Variants in LRRTM4 observed in about 807,000 individuals in gnomAD.
LRRTM4 encodes the protein leucine rich repeat transmembrane neuronal 4.
LRRTM4 carries 25 observed loss-of-function variants against 47.6 expected under a neutral mutation model. That is an observed-to-expected ratio of 0.53 (90% CI 0.38 to 0.73). The LOEUF (loss-of-function observed/expected upper bound fraction) is 0.73. LRRTM4 is among the 30% of genes least tolerant of loss of function. The probability of loss-of-function intolerance (pLI) is 0.00; values close to 1 mark genes in which losing one functional copy is unlikely to be tolerated. For missense variants in LRRTM4, 638 were observed against 713.4 expected (o/e 0.89, Z 1.20); for synonymous variants, 311 against 269.5 (o/e 1.15, Z -1.51).
At chr2:77,396,478 G>T (rs1018379772) in intron 3 of LRRTM4, among the ~76,000 whole-genome samples, 1 of 151,864 alleles carries the variant, frequency 6.6e-6, no homozygotes, top group African/African-American at 2.4e-5. Flanking sequence ...GTGAGAACTT[G>T]TTAAATGTTG....
chr2:77,250,224 G>T (rs538290112), intron 3 of LRRTM4, among the ~76,000 whole-genome samples: 1 of 152,126 alleles, frequency 6.6e-6, no homozygotes, highest in South Asian at 2.1e-4. Context: ...AAACTATCAC[G>T]TCATAATAAA....
At chr2:77,472,308 T>A (rs538350813) in intron 3 of LRRTM4, among the ~76,000 whole-genome samples, 6 of 151,972 alleles carry the variant, frequency 3.9e-5, no homozygotes, top group Non-Finnish European at 8.8e-5. Flanking sequence ...AGTTAGTGAA[T>A]CAACAACATA....
At chr2:76,760,115 G>A (rs892883818) in intron 3 of LRRTM4, among the ~76,000 whole-genome samples, 4 of 152,122 alleles carry the variant, frequency 2.6e-5, no homozygotes. Context: ...TTTGGAAGAA[G>A]TTTACCTCTA....
intron 3 of LRRTM4, among the ~76,000 whole-genome samples, chr2:76,797,953 C>T (rs146563375): frequency 0.088 from 13,195 of 149,730 alleles, 960 homozygotes; most frequent in East Asian, 0.29. Flanking sequence ...CAGGAGCATC[C>T]AGATTCATAA....
At chr2:76,939,930 C>T (rs774690730) in intron 3 of LRRTM4, among the ~76,000 whole-genome samples, 23 of 152,224 alleles carry the variant, frequency 1.5e-4, no homozygotes, top group Admixed American at 3.3e-4. Context: ...GACAATTATT[C>T]ATTATTTCAA....
At chr2:76,933,636 C>A (rs1349162444) in intron 3 of LRRTM4, among the ~76,000 whole-genome samples, 1 of 151,988 alleles carries the variant, frequency 6.6e-6, no homozygotes, top group East Asian at 1.9e-4. Context: ...GGGTTTTGAT[C>A]CACTGGTGTA....
intron 3 of LRRTM4, among the ~76,000 whole-genome samples, chr2:77,192,744 T>G (rs901965690): frequency 6.6e-5 from 10 of 152,214 alleles, no homozygotes; most frequent in African/African-American, 2.4e-4. Flanking sequence ...TAGTATTGTG[T>G]GTCCAGATGT....
intron 3 of LRRTM4, among the ~76,000 whole-genome samples, chr2:76,931,802 A>AG (rs1678613907): frequency 6.6e-6 from 1 of 152,106 alleles, no homozygotes; most frequent in Non-Finnish European, 1.5e-5. Context: ...ACCATACCCT[A>AG]GTTTTACCTT....
At chr2:77,070,541 C>A (rs1680117447) in intron 3 of LRRTM4, among the ~76,000 whole-genome samples, 1 of 152,022 alleles carries the variant, frequency 6.6e-6, no homozygotes, top group Admixed American at 6.5e-5. Context: ...TTTATTTACT[C>A]ATTTTTCTAT....
At chr2:76,843,689 T>C (rs769725115) in intron 3 of LRRTM4, among the ~76,000 whole-genome samples, 1 of 152,110 alleles carries the variant, frequency 6.6e-6, no homozygotes, top group Non-Finnish European at 1.5e-5. Flanking sequence ...ATGTTCAAAA[T>C]AATTTGGAGG....
At chr2:77,507,221 T>G (rs538738723) in intron 3 of LRRTM4, among the ~76,000 whole-genome samples, 1 of 152,120 alleles carries the variant, frequency 6.6e-6, no homozygotes, top group Non-Finnish European at 1.5e-5. Flanking sequence ...TTGTAATTGT[T>G]TAGTATAAGT....
At position 76,930,575 on chromosome 2, in the gene LRRTM4, G is replaced by A. The variant is rs182848072; in HGVS notation, c.1552-181659C>T. On this transcript the variant is annotated intron_variant, in intron 3 of 3. Transcript: ENST00000409884. ...TTCTCTCTTGGTCATTGATTTCTCC[G>A]GGAGATTTTCTTCAAAATAGTTGGA... Among the ~76,000 whole-genome samples, 13 of 152,182 alleles carry A rather than the reference G, an allele frequency of 8.5e-5. No individual in the cohort carries two copies. The East Asian group carries it at 1.5e-3, about 18-fold the overall frequency.
rs575352571 is a variant in LRRTM4, at chr2:76,766,564, A to G, written c.1552-17648T>C. ...GCCCAAGGAGGCTTGTTCTATGACT[A>G]GATTCCTTCATCAAGTTCTCTTGCT... On this transcript the variant is annotated intron_variant, in intron 3 of 3. Transcript: ENST00000409884. Among the ~76,000 whole-genome samples, 64 of 152,336 alleles carry G rather than the reference A, an allele frequency of 4.2e-4. No homozygotes were observed. The South Asian group carries it at 0.013, about 31-fold the overall frequency.
chr2:77,435,236 T>C (rs545275256), intron 3 of LRRTM4, among the ~76,000 whole-genome samples: 1 of 152,226 alleles, frequency 6.6e-6, no homozygotes, highest in South Asian at 2.1e-4. Flanking sequence ...ACCTCTTTCT[T>C]TACCCACTGT....
chr2:77,037,347 T>A (rs1313199225), intron 3 of LRRTM4, among the ~76,000 whole-genome samples: 1 of 151,736 alleles, frequency 6.6e-6, no homozygotes, highest in Non-Finnish European at 1.5e-5. Flanking sequence ...CCCTATTATC[T>A]TTTGGTGAGT....
chr2:77,111,207 T>G (rs1356400673), intron 3 of LRRTM4, among the ~76,000 whole-genome samples: 1 of 151,924 alleles, frequency 6.6e-6, no homozygotes, highest in Non-Finnish European at 1.5e-5. Flanking sequence ...CCTCCCGGGT[T>G]CAAGGGTTCA....
chr2:77,139,707 T>C (rs12713142), intron 3 of LRRTM4, among the ~76,000 whole-genome samples: 2 of 152,272 alleles, frequency 1.3e-5, no homozygotes, highest in South Asian at 4.1e-4. Flanking sequence ...GATGATATGA[T>C]TATATATTTA....
intron 3 of LRRTM4, among the ~76,000 whole-genome samples, chr2:77,331,390 G>A (rs763151159): frequency 3.3e-5 from 5 of 152,226 alleles, no homozygotes; most frequent in Non-Finnish European, 5.9e-5. Context: ...AGTGTTGCTG[G>A]GGTAGTGGGA....
At chr2:77,271,786 T>A (rs1046077851) in intron 3 of LRRTM4, among the ~76,000 whole-genome samples, 2 of 152,174 alleles carry the variant, frequency 1.3e-5, no homozygotes, top group Non-Finnish European at 2.9e-5. Context: ...AAATTCCTTA[T>A]CAGAAGATTA....
Sources: gnomAD v4.1 joint callset for allele counts (sites outside exome capture counted in the v4.1 genomes callset) on GRCh38, gnomAD v4.1.1 for gene constraint, MANE v1.5 for transcripts, NCBI Gene and HGNC (gene_info 2026-07-23, HGNC 2026-07-21) for gene names.